The following FMN1 variants were observed in gnomAD, a reference collection of about 807,000 sequenced individuals.
FMN1 encodes the protein formin 1.
A neutral mutation model predicts 132.4 loss-of-function variants in FMN1; 110 were observed. That is an observed-to-expected ratio of 0.83 (90% CI 0.71 to 0.97). The LOEUF (loss-of-function observed/expected upper bound fraction) is 0.97, where lower values mean the gene tolerates loss of function less well. Among genes scored for constraint, FMN1 ranks in the 50% least tolerant of loss-of-function variants. The pLI, the probability that FMN1 is intolerant of heterozygous loss-of-function variation, is 0.00. For missense variants in FMN1, 1,792 were observed against 1,705.3 expected (o/e 1.05, Z -0.90); for synonymous variants, 722 against 651.7 (o/e 1.11, Z -1.64).
intron 5 of FMN1, chr15:33,066,681 G>C (rs747595918): frequency 2.5e-6 from 4 of 1,613,828 alleles, no homozygotes; most frequent in Non-Finnish European, 3.4e-6. Flanking sequence ...AAAGCCTCCA[G>C]GGCTGTCTCT....
At chr15:32,815,477 TAACTTGTCC>T (rs2058031002) in intron 17 of FMN1, among the ~76,000 whole-genome samples, 1 of 152,186 alleles carries the variant, frequency 6.6e-6, no homozygotes, top group African/African-American at 2.4e-5. Context: ...CTTCAGACTT[TAACTTGTCC>T]ATATGTACAC....
intron 3 of FMN1, among the ~76,000 whole-genome samples, chr15:33,174,947 G>A (rs1485707158): frequency 6.6e-6 from 1 of 152,120 alleles, no homozygotes. Flanking sequence ...TAGGGAATTT[G>A]TTACACTGAG....
At chr15:33,068,093 G>C in intron 5 of FMN1, 1 of 1,322,374 alleles carries the variant, frequency 7.6e-7, no homozygotes, top group Non-Finnish European at 9.8e-7. Context: ...CAGGGCAACT[G>C]TGAAAAATCT....
chr15:33,154,231 G>C lies in FMN1; in HGVS notation c.684C>G (p.Cys228Trp). 2.6e-6 allele frequency: 4 copies of C among 1,536,196 alleles called. No individual in the cohort carries two copies. The highest frequency in any genetic ancestry group is 3.5e-6 in the Non-Finnish European group (4 of 1,146,942). ...GGCAGCTCTCTCTCCTCTGCAGGGA[G>C]CAGGCAAGTGCCCCATTCGGGAGCA... ...GNLLPNGALACSLQRRESCPP... is the reference protein window; with the variant it reads ...GNLLPNGALAWSLQRRESCPP... The change falls in exon 4 of 21, where the codon TGC becomes TGG. Residue 228 changes from cysteine to tryptophan, a missense_variant. Transcript: ENST00000616417.
chr15:32,936,636 GAA>G (rs757736213), intron 9 of FMN1, among the ~76,000 whole-genome samples: 30 of 151,786 alleles, frequency 2.0e-4, no homozygotes, highest in Non-Finnish European at 3.7e-4. Flanking sequence ...GGAGAAAGGA[GAA>G]AAGAGGAGGG....
At chr15:32,829,441 T>TAG (rs2058449554) in intron 17 of FMN1, among the ~76,000 whole-genome samples, 1 of 152,150 alleles carries the variant, frequency 6.6e-6, no homozygotes, top group African/African-American at 2.4e-5. Flanking sequence ...GGGTGAAAGA[T>TAG]AGTTTTCAAA....
chr15:32,952,750 C>T (rs935793707), intron 9 of FMN1, among the ~76,000 whole-genome samples: 5 of 152,104 alleles, frequency 3.3e-5, no homozygotes, highest in African/African-American at 4.8e-5. Context: ...ATGCCTAATG[C>T]GACTAATAAG....
intron 10 of FMN1, among the ~76,000 whole-genome samples, chr15:32,918,613 T>C (rs1267935886): frequency 1.3e-5 from 2 of 152,194 alleles, no homozygotes; most frequent in Non-Finnish European, 2.9e-5. Context: ...ATTAAGATTG[T>C]CCATGGTTCA....
At chr15:33,102,591 C>T (rs897059718) in intron 4 of FMN1, among the ~76,000 whole-genome samples, 5 of 152,090 alleles carry the variant, frequency 3.3e-5, no homozygotes, top group African/African-American at 9.6e-5. Context: ...AAGATTCCAC[C>T]ATAAATTTAA....
chr15:32,902,918 AGAT>A (rs994537352), intron 12 of FMN1, among the ~76,000 whole-genome samples: 5 of 152,240 alleles, frequency 3.3e-5, no homozygotes, highest in African/African-American at 1.2e-4. Context: ...TTTGGTGTTG[AGAT>A]GATGATTAAC....
intron 3 of FMN1, among the ~76,000 whole-genome samples, 187 bp downstream of exon 3, chr15:33,180,011 T>C (rs1449086723): frequency 6.6e-6 from 1 of 152,210 alleles, no homozygotes; most frequent in East Asian, 1.9e-4. Context: ...AACTGGAATT[T>C]ACTAATCTGC....
At chr15:33,018,422 A>G (rs961938846) in intron 6 of FMN1, among the ~76,000 whole-genome samples, 34 of 152,212 alleles carry the variant, frequency 2.2e-4, no homozygotes, top group African/African-American at 8.2e-4. Context: ...AGAGGAGCTG[A>G]AGGTTGAGTC....
intron 9 of FMN1, among the ~76,000 whole-genome samples, chr15:32,935,245 TTTTC>T (rs2061235834): frequency 2.0e-5 from 3 of 151,988 alleles, no homozygotes; most frequent in African/African-American, 7.2e-5. Context: ...CTAGATATAG[TTTTC>T]TTACTTGGTA....
chr15:33,166,452 T>C (rs1026298376), intron 3 of FMN1, among the ~76,000 whole-genome samples: 2 of 152,168 alleles, frequency 1.3e-5, no homozygotes, highest in Admixed American at 1.3e-4. Context: ...TACAATATAG[T>C]ACTATATGCA....
At chr15:32,883,507 C>T (rs1302463562) in intron 16 of FMN1, among the ~76,000 whole-genome samples, 2 of 32,532 alleles carry the variant, frequency 6.1e-5, no homozygotes, top group Non-Finnish European at 1.2e-4. Flanking sequence ...AAGAACCTAT[C>T]TCAAAAAAAA....
chr15:33,022,087 C>T (rs1405128343), intron 6 of FMN1, among the ~76,000 whole-genome samples: 1 of 152,178 alleles, frequency 6.6e-6, no homozygotes, highest in Non-Finnish European at 1.5e-5. Context: ...AATGGTGTAG[C>T]ATTTGTGTAT....
intron 10 of FMN1, among the ~76,000 whole-genome samples, chr15:32,918,447 T>G (rs574194270): frequency 6.6e-6 from 1 of 152,258 alleles, no homozygotes; most frequent in African/African-American, 2.4e-5. Context: ...GCTGCCTGGG[T>G]GGTGGAAGAA....
At position 32,780,889 on chromosome 15, in the gene FMN1, C is replaced by T. The variant is rs974174466; in HGVS notation, c.4131-3970G>A. 3.3e-5 allele frequency among the ~76,000 whole-genome samples: 5 copies of T among 152,130 alleles called. No homozygotes were observed. In the South Asian group the frequency reaches 1.0e-3, roughly 31 times the overall value. On this transcript the variant is annotated intron_variant, in intron 19 of 20. Coordinates refer to ENST00000616417, the MANE Select transcript of FMN1 (RefSeq NM_001277313.2). Reference sequence around the variant, plus strand: ...CGTATAATTTTAAATTGAACCCATACATACAGACATCTATCTGTATTTATA... The same window carrying T: ...CGTATAATTTTAAATTGAACCCATATATACAGACATCTATCTGTATTTATA...
intron 7 of FMN1, among the ~76,000 whole-genome samples, chr15:32,984,405 AG>A (rs1364599412): frequency 1.3e-5 from 2 of 152,180 alleles, no homozygotes; most frequent in African/African-American, 2.4e-5. Flanking sequence ...AAGACAGATA[AG>A]GGCTATTATT....
Sources: allele counts gnomAD v4.1 joint callset (sites outside exome capture counted in the v4.1 genomes callset), GRCh38; gene constraint gnomAD v4.1.1; transcripts MANE v1.5; gene names NCBI Gene and HGNC (gene_info 2026-07-23, HGNC 2026-07-21).